The following EXOC6B variants were observed in gnomAD, a reference collection of about 807,000 sequenced individuals.
The protein encoded by EXOC6B is SEC15 homolog B.
In EXOC6B, 54 loss-of-function variants were observed where a neutral mutation model predicts 113.5. The ratio of observed to expected loss-of-function variants is 0.48; its 90% CI spans 0.38 to 0.60. EXOC6B has a LOEUF of 0.60. Among genes scored for constraint, EXOC6B ranks in the 20% least tolerant of loss-of-function variants. The pLI, the probability that EXOC6B is intolerant of heterozygous loss-of-function variation, is 0.00. For synonymous variants in EXOC6B, 357 were observed against 339.0 expected (o/e 1.05, Z -0.58); for missense variants, 797 against 977.5 (o/e 0.82, Z 2.46).
intron 18 of EXOC6B, among the ~76,000 whole-genome samples, chr2:72,453,116 A>G (rs1697005827): frequency 1.3e-5 from 2 of 152,224 alleles, no homozygotes; most frequent in African/African-American, 4.8e-5. Flanking sequence ...GGAGAACTAA[A>G]TTTAAATCTG....
intron 6 of EXOC6B, among the ~76,000 whole-genome samples, chr2:72,699,342 G>C (rs1457095694): frequency 6.6e-6 from 1 of 152,144 alleles, no homozygotes; most frequent in Non-Finnish European, 1.5e-5. Context: ...AGCTGGGCAT[G>C]GTGATGGGTA....
Position 72,182,913 on chromosome 2 carries a change from G to A in EXOC6B, c.2309+1162C>T, listed in dbSNP as rs1004863019. On this transcript the variant is annotated intron_variant, in intron 21 of 21. Transcript: ENST00000272427. The stretch of plus-strand genomic sequence containing the variant: ...ACTTACTCTCTAGATATCCTAGGGC[G>A]GAAGGTCAGTGGGAGAGAGAACCAT... 7.7e-5 allele frequency: 95 copies of A among 1,230,816 alleles called. No individual in the cohort carries two copies. In the South Asian group the frequency reaches 1.4e-3, roughly 18 times the overall value. The allele number at this position is 1,230,816 out of a possible 1,614,324, so 76.2% of individuals were successfully genotyped here.
chr2:72,305,950 A>T (rs755978628), intron 20 of EXOC6B, among the ~76,000 whole-genome samples: 1 of 152,324 alleles, frequency 6.6e-6, no homozygotes, highest in Non-Finnish European at 1.5e-5. Context: ...TACATAATAC[A>T]TGACCAGGGC....
In EXOC6B at chr2:72,379,776, G is replaced by T; in HGVS notation, c.2075C>A (p.Thr692Asn). Residue 692 changes from threonine to asparagine, a missense_variant, in exon 19 of 22, where the codon ACC (threonine) becomes AAC (asparagine). By Grantham distance (65) the Thr-to-Asn change is moderately conservative (BLOSUM62 0). Transcript: ENST00000272427. ...GTTGAACTGCTGTAATGCTCCCAAG[G>T]TGAGCTGCCGCACTTCAGCTTCCAA... ...LLLEAEVRQLTLGALQQFNLD... is the reference protein window; with the variant it reads ...LLLEAEVRQLNLGALQQFNLD... The T allele has an allele frequency of 6.2e-7, 1 of 1,613,410 alleles. No homozygotes were observed. Among genetic ancestry groups the T allele is most frequent in the Non-Finnish European group, 8.5e-7 (1 of 1,179,630 alleles).
chr2:72,530,148 T>C (rs956821451), intron 8 of EXOC6B, among the ~76,000 whole-genome samples: 2 of 152,188 alleles, frequency 1.3e-5, no homozygotes, highest in African/African-American at 4.8e-5. Flanking sequence ...CTCTTATTAT[T>C]CTTCCATTCA....
intron 6 of EXOC6B, among the ~76,000 whole-genome samples, chr2:72,595,066 C>A (rs890214100): frequency 6.6e-6 from 1 of 151,958 alleles, no homozygotes; most frequent in Non-Finnish European, 1.5e-5. Flanking sequence ...CAAGACCAAC[C>A]TGACCAACAT....
intron 1 of EXOC6B, among the ~76,000 whole-genome samples, chr2:72,764,818 AC>A (rs749465217): frequency 9.3e-4 from 141 of 152,346 alleles, no homozygotes; most frequent in Non-Finnish European, 1.7e-3. Context: ...CAAACAAATA[AC>A]ATTTGCATTA....
At chr2:72,780,660 G>A (rs1452308245) in intron 1 of EXOC6B, among the ~76,000 whole-genome samples, 1 of 152,092 alleles carries the variant, frequency 6.6e-6, no homozygotes, top group East Asian at 1.9e-4. Flanking sequence ...ATTCTAAAGT[G>A]ACTGTTTTTC....
chr2:72,716,721 T>G (rs1186954869), intron 6 of EXOC6B, among the ~76,000 whole-genome samples: 1 of 152,138 alleles, frequency 6.6e-6, no homozygotes, highest in Admixed American at 6.6e-5. Context: ...TTCCCTCCTC[T>G]GGGTCTTAAT....
chr2:72,393,989 T>A (rs1302518765), intron 18 of EXOC6B, among the ~76,000 whole-genome samples: 1 of 152,208 alleles, frequency 6.6e-6, no homozygotes, highest in African/African-American at 2.4e-5. Flanking sequence ...TTAAATGTGA[T>A]GCTCTAGAAC....
chr2:72,450,760 G>T (rs1696863063), intron 18 of EXOC6B, among the ~76,000 whole-genome samples: 1 of 152,078 alleles, frequency 6.6e-6, no homozygotes, highest in Admixed American at 6.6e-5. Context: ...GTATGATTAG[G>T]AATAGTCATA....
chr2:72,514,233 G>C (rs1201292773), intron 10 of EXOC6B, among the ~76,000 whole-genome samples: 2 of 152,112 alleles, frequency 1.3e-5, no homozygotes, highest in Non-Finnish European at 2.9e-5. Context: ...AGTTGTGAAA[G>C]AGACCATATG....
At chr2:72,744,671 G>A (rs1681578065) in intron 1 of EXOC6B, among the ~76,000 whole-genome samples, 1 of 152,108 alleles carries the variant, frequency 6.6e-6, no homozygotes, top group Admixed American at 6.5e-5. Flanking sequence ...AGTACACCCT[G>A]ACTTGACTCA....
At chr2:72,472,748 C>T (rs556077417) in intron 17 of EXOC6B, among the ~76,000 whole-genome samples, 5 of 152,120 alleles carry the variant, frequency 3.3e-5, no homozygotes, top group African/African-American at 4.8e-5. Context: ...TTGCTGCTTT[C>T]CTGTTCCTTG....
At chr2:72,562,010 CA>C (rs1703914482) in intron 7 of EXOC6B, among the ~76,000 whole-genome samples, 1 of 152,086 alleles carries the variant, frequency 6.6e-6, no homozygotes, top group Non-Finnish European at 1.5e-5. Context: ...CCTCTACTCC[CA>C]AAATAGCCTA....
rs181917429 is a variant in EXOC6B, at chr2:72,341,188, T to C, written c.2123-6168A>G. Among the ~76,000 whole-genome samples the C allele has an allele frequency of 9.2e-5, 14 of 152,258 alleles. No individual in the cohort carries two copies. In the East Asian group the frequency reaches 2.7e-3, roughly 29 times the overall value. Reference sequence around the variant, plus strand: ...TAATTTAAATATGAAACTCACTAGATCTCCAACTTCGAGAAAGACAGGGGG... The same window carrying C: ...TAATTTAAATATGAAACTCACTAGACCTCCAACTTCGAGAAAGACAGGGGG... On this transcript the variant is annotated intron_variant, in intron 19 of 21. Transcript: ENST00000272427.
At chr2:72,441,192 GAACT>G (rs935413427) in intron 18 of EXOC6B, among the ~76,000 whole-genome samples, 7 of 151,986 alleles carry the variant, frequency 4.6e-5, no homozygotes, top group African/African-American at 1.4e-4. Context: ...TCAATAAGAA[GAACT>G]AACTATAAAA....
chr2:72,764,667 C>T (rs1573758213), intron 1 of EXOC6B, among the ~76,000 whole-genome samples: 1 of 152,042 alleles, frequency 6.6e-6, no homozygotes, highest in South Asian at 2.1e-4. Context: ...TGCCTGACCC[C>T]CTTACTTTCT....
chr2:72,723,533 C>T (rs1680129994), intron 5 of EXOC6B, among the ~76,000 whole-genome samples: 1 of 151,976 alleles, frequency 6.6e-6, no homozygotes, highest in African/African-American at 2.4e-5. Context: ...AAGCAAATTG[C>T]AACTATCTAT....
Sources: gnomAD v4.1 joint callset for allele counts (sites outside exome capture counted in the v4.1 genomes callset) on GRCh38, gnomAD v4.1.1 for gene constraint, MANE v1.5 for transcripts, NCBI Gene and HGNC (gene_info 2026-07-23, HGNC 2026-07-21) for gene names.